The following COL4A1 variants were observed in gnomAD, a reference collection of about 807,000 sequenced individuals.
COL4A1 encodes the protein collagen alpha-1(IV) chain.
In COL4A1, 40 loss-of-function variants were observed where a neutral mutation model predicts 216.6. The observed-to-expected ratio is 0.18, with a 90% CI of 0.14 to 0.24. The LOEUF is 0.24. COL4A1 is among the 10% of genes least tolerant of loss of function. The pLI, the probability that COL4A1 is intolerant of heterozygous loss-of-function variation, is 1.00. For synonymous variants in COL4A1, 839 were observed against 810.7 expected (o/e 1.03, Z -0.59); for missense variants, 1,628 against 2,196.8 (o/e 0.74, Z 5.18).
At chr13:110,304,042 T>A (rs1458683026) in intron 1 of COL4A1, among the ~76,000 whole-genome samples, 1 of 152,258 alleles carries the variant, frequency 6.6e-6, no homozygotes, top group Non-Finnish European at 1.5e-5. Context: ...TGACTATTAA[T>A]AATATATAGC....
chr13:110,273,157 A>T (rs994562845), intron 1 of COL4A1, among the ~76,000 whole-genome samples: 3 of 152,228 alleles, frequency 2.0e-5, no homozygotes, highest in African/African-American at 7.2e-5. Context: ...TTGGGGCATT[A>T]TGGGCCTGGC....
At chr13:110,196,535 C>T (rs1878898310) in intron 21 of COL4A1, among the ~76,000 whole-genome samples, 1 of 152,280 alleles carries the variant, frequency 6.6e-6, no homozygotes. Flanking sequence ...CAGAGCATAA[C>T]TCCTGCCTGC....
intron 24 of COL4A1, chr13:110,191,677 T>G: frequency 1.5e-6 from 1 of 680,430 alleles, no homozygotes; most frequent in Non-Finnish European, 2.6e-6. Flanking sequence ...TAACAGAAAT[T>G]TTCAACTGTA....
At chr13:110,222,769 C>A (rs1880557141) in intron 2 of COL4A1, among the ~76,000 whole-genome samples, 1 of 32,712 alleles carries the variant, frequency 3.1e-5, no homozygotes, top group Admixed American at 5.4e-4. Flanking sequence ...CCAGACTCTG[C>A]TTTAAAAAAA....
intron 2 of COL4A1, among the ~76,000 whole-genome samples, chr13:110,226,199 T>A (rs1181036667): frequency 6.6e-6 from 1 of 152,248 alleles, no homozygotes; most frequent in East Asian, 1.9e-4. Flanking sequence ...AATTGGAATT[T>A]CTTGAGTATT....
At chr13:110,290,258 G>A (rs1249998504) in intron 1 of COL4A1, among the ~76,000 whole-genome samples, 1 of 152,224 alleles carries the variant, frequency 6.6e-6, no homozygotes, top group African/African-American at 2.4e-5. Flanking sequence ...ACGTGAGCGC[G>A]TTGCAAGCTA....
Position 110,170,560 on chromosome 13 carries a change from C to A in COL4A1, c.3729G>T (p.Gln1243His), listed in dbSNP as rs1877589663. ...AGATGCCCTTACCTGGCAGGCCAGG[C>A]TGGCCCTGAGGTCCGCGGTCTCCTT... Reference protein sequence around the residue: ...GPKGDRGPQGQPGLPGLPGPM... With the variant: ...GPKGDRGPQGHPGLPGLPGPM... The change falls in exon 42 of 52, where the codon CAG becomes CAT. Residue 1243 changes from glutamine (Q) to histidine (H), a missense_variant. Around this residue, in one of 8 missense-constraint regions of COL4A1, gnomAD observed 345 missense variants for 476.9 expected, o/e 0.72. Transcript: ENST00000375820. 1 of 1,603,500 alleles carries A rather than the reference C, an allele frequency of 6.2e-7. No individual in the cohort carries two copies. Among genetic ancestry groups the A allele is most frequent in the South Asian group, 1.1e-5 (1 of 89,628 alleles).
At chr13:110,206,806 G>A in intron 14 of COL4A1, 59 bp downstream of exon 14, 1 of 1,610,994 alleles carries the variant, frequency 6.2e-7, no homozygotes, top group Non-Finnish European at 8.5e-7. Context: ...AAAAAAACTT[G>A]AAACTTAAAT....
rs148801165 is a variant in COL4A1, at chr13:110,170,577, G to C, written c.3712C>G (p.Arg1238Gly). 6.2e-7 allele frequency: 1 copy of C among 1,608,306 alleles called. No homozygotes were observed. Among genetic ancestry groups the C allele is most frequent in the Non-Finnish European group, 8.5e-7 (1 of 1,177,336 alleles). ...GHATEGPKGD[R>G]GPQGQPGLPG... ...AGGCCAGGCTGGCCCTGAGGTCCGC[G>C]GTCTCCTTTGGGCCCCTCCGTGGCA... The change falls in exon 42 of 52, where the codon CGC becomes GGC. Residue 1238 changes from arginine to glycine, a missense_variant. Transcript: ENST00000375820.
intron 24 of COL4A1, among the ~76,000 whole-genome samples, chr13:110,188,064 A>G (rs1300265795): frequency 6.6e-6 from 1 of 152,180 alleles, no homozygotes; most frequent in African/African-American, 2.4e-5. Flanking sequence ...GGAAAGTTAA[A>G]ACTGCAAAGA....
At chr13:110,256,985 C>G (rs953553216) in intron 1 of COL4A1, among the ~76,000 whole-genome samples, 2 of 152,138 alleles carry the variant, frequency 1.3e-5, no homozygotes, top group Non-Finnish European at 2.9e-5. Context: ...TTAGACTAAT[C>G]CCAGCCAGCC....
Position 110,163,547 on chromosome 13 carries a change from C to T in COL4A1, c.4165G>A (p.Val1389Met), listed in dbSNP as rs1463457941. ...PKGQQGVTGL[V>M]GIPGPPGIPG... The stretch of plus-strand genomic sequence containing the variant: ...ATACCTGGAGGTCCAGGTATACCCA[C>T]CAATCCTGTAACACCTGAGGCAGAG... Residue 1389 changes from valine to methionine, a missense_variant, in exon 47 of 52, where the codon GTG (valine) becomes ATG (methionine). By Grantham distance (21) the Val-to-Met change is conservative. Transcript: ENST00000375820. 1 of 1,614,026 alleles carries T rather than the reference C, an allele frequency of 6.2e-7. No individual in the cohort carries two copies. The highest frequency in any genetic ancestry group is 1.7e-5 in the Admixed American group (1 of 60,006).
intron 51 of COL4A1, 62 bp downstream of exon 51, chr13:110,152,272 T>C: frequency 1.2e-6 from 2 of 1,605,434 alleles, no homozygotes; most frequent in South Asian, 2.2e-5. Flanking sequence ...GGATCGCGGA[T>C]GATTAAAAAA....
At chr13:110,209,899 A>C (rs1377162395) in intron 10 of COL4A1, 81 bp downstream of exon 10, 1 of 1,501,266 alleles carries the variant, frequency 6.7e-7, no homozygotes, top group African/African-American at 1.4e-5. Flanking sequence ...TAAAGTTTTT[A>C]CTAAATTATT....
At chr13:110,194,547 T>A (rs1324693818) in intron 22 of COL4A1, among the ~76,000 whole-genome samples, 1 of 151,714 alleles carries the variant, frequency 6.6e-6, no homozygotes, top group African/African-American at 2.4e-5. Context: ...GAGCCCAGAG[T>A]GAAGCTGGTT....
Position 110,164,915 on chromosome 13 carries a change from C to G in COL4A1, c.4097G>C (p.Gly1366Ala). Reference protein sequence around the residue: ...KGEPGLPGPEGPPGLKGLQGL... With the variant: ...KGEPGLPGPEAPPGLKGLQGL... ...CTGAAGCCCTTTCAGCCCTGGGGGG[C>G]CCTCAGGACCAGGGAGCCCGGGCTC... Residue 1366 changes from glycine (G) to alanine (A), a missense_variant, in exon 46 of 52, where the codon GGC becomes GCC. Physicochemically the swap from Gly to Ala is moderately conservative, Grantham distance 60 (BLOSUM62 0). Transcript: ENST00000375820. The G allele has an allele frequency of 1.2e-6, 2 of 1,607,374 alleles. No homozygotes were observed. Among genetic ancestry groups the G allele is most frequent in the Non-Finnish European group, 1.7e-6 (2 of 1,176,986 alleles).
chr13:110,164,774 CT>C (rs1281535569), intron 46 of COL4A1, 87 bp downstream of exon 46: 1 of 1,543,976 alleles, frequency 6.5e-7, no homozygotes, highest in Admixed American at 2.0e-5. Context: ...TACCCAGAAA[CT>C]TATTTTAGAT....
rs1342863905 is a variant in COL4A1, at chr13:110,222,771, TTAAAAAA to T, written c.145-8763_145-8757del. 1.2e-3 allele frequency among the ~76,000 whole-genome samples: 112 copies of T among 93,412 alleles called. 4 individuals are homozygous for T. Among genetic ancestry groups the T allele is most frequent in the South Asian group, 4.2e-3 (10 of 2,394 alleles). The allele number at this position is 93,412 out of a possible 152,430, so 61.3% of individuals were successfully genotyped here. On this transcript the variant is annotated intron_variant, in intron 2 of 51. Coordinates refer to ENST00000375820, the MANE Select transcript of COL4A1 (RefSeq NM_001845.6). Reference sequence around the variant, plus strand: ...CTGGGCGACAGAGCCAGACTCTGCTTTAAAAAAAAAAAAAAAAAAAAAAAAAAGAATT... The same window carrying T: ...CTGGGCGACAGAGCCAGACTCTGCTTAAAAAAAAAAAAAAAAAAAAGAATT...
intron 43 of COL4A1, among the ~76,000 whole-genome samples, chr13:110,167,604 C>T (rs564931306): frequency 6.6e-6 from 1 of 152,210 alleles, no homozygotes; most frequent in Non-Finnish European, 1.5e-5. Flanking sequence ...CACCAGCCAA[C>T]GAGCTTTTCT....
Sources: gnomAD v4.1 joint callset for allele counts (sites outside exome capture counted in the v4.1 genomes callset) on GRCh38, gnomAD v4.1.1 for gene constraint, gnomAD v4.1.1 regional missense constraint, MANE v1.5 for transcripts, NCBI Gene and HGNC (gene_info 2026-07-23, HGNC 2026-07-21) for gene names.